The following CDC25C variants were observed in gnomAD, a reference collection of about 807,000 sequenced individuals.
CDC25C encodes the protein M-phase inducer phosphatase 3.
CDC25C carries 48 observed loss-of-function variants against 52.5 expected under a neutral mutation model. The observed-to-expected ratio is 0.91, with a 90% CI of 0.72 to 1.16. The LOEUF (loss-of-function observed/expected upper bound fraction) is 1.16. Among genes scored for constraint, CDC25C ranks in the 50% most tolerant of loss-of-function variants. CDC25C has a pLI of 0.00. For missense variants in CDC25C, 510 were observed against 566.1 expected, an observed-to-expected ratio of 0.90 and a Z score of 1.01; for synonymous variants, 187 against 206.5, an observed-to-expected ratio of 0.91 and a Z score of 0.81.
At chr5:138,293,135 G>A (rs1363815654) in intron 7 of CDC25C, among the ~76,000 whole-genome samples, 2 of 152,172 alleles carry the variant, frequency 1.3e-5, no homozygotes, top group African/African-American at 2.4e-5. Flanking sequence ...CGTGATACCA[G>A]CTGATGGTAC....
chr5:138,287,779 A>C (rs904000091), intron 10 of CDC25C, among the ~76,000 whole-genome samples: 6 of 152,258 alleles, frequency 3.9e-5, no homozygotes, highest in African/African-American at 1.4e-4. Context: ...AAATACATAT[A>C]CAAATAAATG....
intron 4 of CDC25C, 72 bp downstream of exon 4, chr5:138,328,412 T>C: frequency 1.4e-6 from 2 of 1,394,640 alleles, no homozygotes; most frequent in Non-Finnish European, 2.0e-6. Flanking sequence ...CTGCAGAGTC[T>C]GCACAGGATA....
At chr5:138,296,870 G>T (rs1165621549) in intron 7 of CDC25C, among the ~76,000 whole-genome samples, 2 of 145,946 alleles carry the variant, frequency 1.4e-5, no homozygotes, top group African/African-American at 5.1e-5. Flanking sequence ...CTCCCAAAGT[G>T]CTGGGATTAC....
chr5:138,286,651 TAAG>T (rs778788394), intron 11 of CDC25C, 21 bp from the exon 12 acceptor site: 8 of 1,602,398 alleles, frequency 5.0e-6, no homozygotes, highest in Non-Finnish European at 6.8e-6. Context: ...AGAATTTTAG[TAAG>T]TATTTCCTCA....
At chr5:138,300,432 G>A (rs1757544074) in intron 7 of CDC25C, among the ~76,000 whole-genome samples, 1 of 152,056 alleles carries the variant, frequency 6.6e-6, no homozygotes, top group Admixed American at 6.6e-5. Context: ...GTACAGTGGT[G>A]CATGCCTGTA....
At chr5:138,331,346 G>A (rs1035627280) in intron 1 of CDC25C, 128 bp from the exon 2 acceptor site, 13 of 731,638 alleles carry the variant, frequency 1.8e-5, no homozygotes, top group East Asian at 2.7e-5. Context: ...TTCACAGCCT[G>A]GCTTAAGGTT....
chr5:138,292,191 T>G, intron 7 of CDC25C, 75 bp from the exon 8 acceptor site: 1 of 1,205,750 alleles, frequency 8.3e-7, no homozygotes, highest in Non-Finnish European at 1.2e-6. Flanking sequence ...CAACATCTCC[T>G]GGGAGCTTCT....
intron 8 of CDC25C, among the ~76,000 whole-genome samples, chr5:138,291,019 C>A (rs1409056427): frequency 6.6e-6 from 1 of 151,872 alleles, no homozygotes; most frequent in Non-Finnish European, 1.5e-5. Flanking sequence ...CATGCCACTG[C>A]AATCCAGCCT....
At chr5:138,312,262 T>G (rs1281718220) in intron 7 of CDC25C, among the ~76,000 whole-genome samples, 2 of 152,042 alleles carry the variant, frequency 1.3e-5, no homozygotes, top group African/African-American at 4.8e-5. Flanking sequence ...CCCAGTCACT[T>G]GGGAGGCTGA....
intron 6 of CDC25C, among the ~76,000 whole-genome samples, chr5:138,320,608 C>T (rs991746326): frequency 6.6e-6 from 1 of 151,866 alleles, no homozygotes; most frequent in African/African-American, 2.4e-5. Flanking sequence ...TCTCTTGAAC[C>T]CAGGAGTTTG....
chr5:138,287,196 T>C lies in CDC25C; in HGVS notation c.999A>G (p.Pro333=), dbSNP rs763275873. 6.2e-7 allele frequency: 1 copy of C among 1,614,032 alleles called. No individual in the cohort carries two copies. Among genetic ancestry groups the C allele is most frequent in the East Asian group, 2.2e-5 (1 of 44,876 alleles). The part of the protein sequence containing the change: ...EKFYVIDCRY[P]YEYLGGHIQG... Reference sequence around the variant, plus strand: ...GGATGTGTCCTCCCAGATACTCATATGGATAGCGACAATCAATGACATAAA... The same window carrying C: ...GGATGTGTCCTCCCAGATACTCATACGGATAGCGACAATCAATGACATAAA... Residue 333 remains proline (P), a synonymous_variant, in exon 11 of 14, where the codon CCA becomes CCG. Transcript: ENST00000323760.
chr5:138,308,357 A>G (rs975317810), intron 7 of CDC25C, among the ~76,000 whole-genome samples: 14 of 152,252 alleles, frequency 9.2e-5, no homozygotes, highest in African/African-American at 3.4e-4. Flanking sequence ...CATAACTTAG[A>G]CAAGTTTTCA....
At chr5:138,318,718 A>C (rs1482794046) in intron 7 of CDC25C, among the ~76,000 whole-genome samples, 4 of 152,152 alleles carry the variant, frequency 2.6e-5, no homozygotes, top group African/African-American at 9.7e-5. Context: ...CTGTCTTAAA[A>C]AAAACAAACA....
At position 138,285,557 on chromosome 5, in the gene CDC25C, A is replaced by G. The variant is rs1355434435; in HGVS notation, c.*135T>C. On this transcript the variant is annotated 3_prime_UTR_variant, in exon 14 of 14. Coordinates refer to ENST00000323760, the MANE Select transcript of CDC25C (RefSeq NM_001790.5). ...ACCTAATCCATTCCCAGGCCTGGAT[A>G]CAAGTTGGTAGCCTGTTGGTTTGCA... The G allele has an allele frequency of 2.5e-6, 2 of 798,724 alleles. No homozygotes were observed. Among genetic ancestry groups the G allele is most frequent in the Admixed American group, 4.4e-5 (2 of 45,428 alleles). 49.5% of individuals were successfully genotyped at this position (798,724 alleles called of 1,614,324 possible). A position where few individuals can be genotyped will look rare whatever the true frequency, so the allele number is the denominator to read the frequency against.
At chr5:138,310,337 T>C (rs1162081485) in intron 7 of CDC25C, among the ~76,000 whole-genome samples, 1 of 152,124 alleles carries the variant, frequency 6.6e-6, no homozygotes, top group East Asian at 1.9e-4. Flanking sequence ...CTTACAAATA[T>C]CATCTTACTA....
chr5:138,313,010 G>A (rs1258642210), intron 7 of CDC25C, among the ~76,000 whole-genome samples: 1 of 151,760 alleles, frequency 6.6e-6, no homozygotes, highest in African/African-American at 2.4e-5. Flanking sequence ...ATAGAGGGCA[G>A]AAAATAGAAT....
intron 7 of CDC25C, among the ~76,000 whole-genome samples, chr5:138,309,715 ATT>A (rs56020082): frequency 4.5e-5 from 6 of 132,848 alleles, no homozygotes; most frequent in Non-Finnish European, 4.7e-5. Flanking sequence ...GGCTCTCAAA[ATT>A]TTTTTTTTTT....
At chr5:138,322,775 C>T (rs1484199827) in intron 6 of CDC25C, among the ~76,000 whole-genome samples, 3 of 151,142 alleles carry the variant, frequency 2.0e-5, no homozygotes, top group Non-Finnish European at 4.4e-5. Flanking sequence ...GCGCCCGGCC[C>T]TGGCTAATTT....
chr5:138,325,566 C>T (rs1759782047), intron 6 of CDC25C, among the ~76,000 whole-genome samples: 1 of 152,090 alleles, frequency 6.6e-6, no homozygotes. Flanking sequence ...TAATTTTTGT[C>T]CTCAAAATGA....
Sources: allele counts gnomAD v4.1 joint callset (sites outside exome capture counted in the v4.1 genomes callset), GRCh38; gene constraint gnomAD v4.1.1; transcripts MANE v1.5; gene names NCBI Gene and HGNC (gene_info 2026-07-23, HGNC 2026-07-21).